The following PLXNA4 variants were observed in gnomAD, a reference collection of about 807,000 sequenced individuals.
PLXNA4 encodes the protein plexin-A4.
PLXNA4 carries 44 observed loss-of-function variants against 191.8 expected under a neutral mutation model. That is an observed-to-expected ratio of 0.23 (90% confidence interval 0.18 to 0.29). The LOEUF (loss-of-function observed/expected upper bound fraction) is 0.29. Ranked by LOEUF, PLXNA4 falls within the 10% of genes least tolerant of loss-of-function variation. The probability of loss-of-function intolerance (pLI) is 1.00; values close to 1 mark genes in which losing one functional copy is unlikely to be tolerated. For missense variants in PLXNA4, 1,800 were observed against 2,488.8 expected, an observed-to-expected ratio of 0.72 and a Z score of 5.89; for synonymous variants, 1,082 against 1,009.5, an observed-to-expected ratio of 1.07 and a Z score of -1.36.
chr7:132,566,119 G>C (rs1469234614), intron 1 of PLXNA4, among the ~76,000 whole-genome samples: 2 of 152,158 alleles, frequency 1.3e-5, no homozygotes, highest in Non-Finnish European at 2.9e-5. Context: ...AATTTTGTTA[G>C]TGTGTGTTAG....
chr7:132,585,225 A>C (rs1802485577), intron 2 of PLXNA4, among the ~76,000 whole-genome samples: 1 of 152,222 alleles, frequency 6.6e-6, no homozygotes, highest in Admixed American at 6.5e-5. Context: ...CTTTAGATCA[A>C]GTCAAAGGAA....
At chr7:132,332,577 G>C (rs1490936568) in intron 3 of PLXNA4, among the ~76,000 whole-genome samples, 3 of 152,070 alleles carry the variant, frequency 2.0e-5, no homozygotes, top group Admixed American at 6.6e-5. Context: ...GGCTGGGCGT[G>C]GTGGCTCATG....
At chr7:132,180,323 G>A (rs1219284779) in intron 19 of PLXNA4, among the ~76,000 whole-genome samples, 1 of 152,188 alleles carries the variant, frequency 6.6e-6, no homozygotes, top group East Asian at 1.9e-4. Flanking sequence ...CTCCTTGAAG[G>A]CTTTGTTTGT....
chr7:132,297,020 C>T (rs1188772718), intron 4 of PLXNA4, among the ~76,000 whole-genome samples: 1 of 152,072 alleles, frequency 6.6e-6, no homozygotes, highest in Non-Finnish European at 1.5e-5. Context: ...GGCAGAGCTC[C>T]TGTGACTGTT....
intron 22 of PLXNA4, among the ~76,000 whole-genome samples, chr7:132,167,980 G>T (rs1315812208): frequency 1.3e-5 from 2 of 152,200 alleles, no homozygotes; most frequent in East Asian, 3.9e-4. Context: ...TGGTCTAAGT[G>T]ACCTCTGAAG....
intron 3 of PLXNA4, among the ~76,000 whole-genome samples, chr7:132,330,229 G>C (rs908977005): frequency 6.6e-6 from 1 of 152,204 alleles, no homozygotes; most frequent in South Asian, 2.1e-4. Flanking sequence ...AATTTGGCTG[G>C]AGCTGAGTAG....
intron 12 of PLXNA4, among the ~76,000 whole-genome samples, chr7:132,198,871 C>T (rs1353535862): frequency 6.6e-6 from 1 of 152,164 alleles, no homozygotes; most frequent in Non-Finnish European, 1.5e-5. Flanking sequence ...GTACATCTTT[C>T]CATTTCATAG....
intron 3 of PLXNA4, among the ~76,000 whole-genome samples, chr7:132,324,167 GT>G (rs2116653505): frequency 6.6e-6 from 1 of 152,322 alleles, no homozygotes; most frequent in South Asian, 2.1e-4. Flanking sequence ...TTCCAAGAAA[GT>G]GAAGGGAATG....
intron 3 of PLXNA4, among the ~76,000 whole-genome samples, chr7:132,355,696 A>C (rs1803670051): frequency 6.6e-6 from 1 of 152,146 alleles, no homozygotes; most frequent in Non-Finnish European, 1.5e-5. Flanking sequence ...TAGGCATATA[A>C]ATCCCTCTGC....
chr7:132,191,549 G>A (rs1447287742), intron 14 of PLXNA4, among the ~76,000 whole-genome samples: 3 of 152,166 alleles, frequency 2.0e-5, no homozygotes, highest in South Asian at 2.1e-4. Flanking sequence ...AGCTTAGTAA[G>A]TTGGAGGTGG....
chr7:132,245,825 G>A (rs1254758038), intron 4 of PLXNA4, among the ~76,000 whole-genome samples: 1 of 152,198 alleles, frequency 6.6e-6, no homozygotes, highest in Non-Finnish European at 1.5e-5. Flanking sequence ...AGTGAAATAA[G>A]CCAGACATAA....
At chr7:132,240,638 A>G (rs147367738) in intron 5 of PLXNA4, among the ~76,000 whole-genome samples, 1 of 152,346 alleles carries the variant, frequency 6.6e-6, no homozygotes, top group Non-Finnish European at 1.5e-5. Flanking sequence ...GGGACAGCAT[A>G]TATCTTGTTT....
chr7:132,455,718 A>G (rs769663687), intron 3 of PLXNA4, among the ~76,000 whole-genome samples: 1 of 152,014 alleles, frequency 6.6e-6, no homozygotes, highest in Non-Finnish European at 1.5e-5. Context: ...CAAGCAGAGA[A>G]GCCTGCCAGG....
intron 3 of PLXNA4, among the ~76,000 whole-genome samples, chr7:132,329,902 A>AT (rs1320541956): frequency 1.6e-4 from 24 of 152,310 alleles, no homozygotes; most frequent in Middle Eastern, 3.4e-3. Context: ...AGGATTCTAC[A>AT]TTAGGCAACA....
At position 132,634,539 on chromosome 7, in the gene PLXNA4, G is replaced by T. The variant is rs545953607; in HGVS notation, c.-87+11389C>A. ...TCCACAACATCCTATCCCACTCTTT[G>T]CCTTAAATTCAATACTCCAGAAACA... On this transcript the variant is annotated intron_variant, in intron 2 of 4. Coordinates refer to the PLXNA4 transcript ENST00000378539. Among the ~76,000 whole-genome samples the T allele has an allele frequency of 1.4e-3, 212 of 152,054 alleles. 1 individual carries two copies. The highest frequency in any genetic ancestry group is 5.0e-3 in the African/African-American group (207 of 41,478).
At chr7:132,557,982 G>A (rs1452397879) in intron 1 of PLXNA4, among the ~76,000 whole-genome samples, 1 of 152,144 alleles carries the variant, frequency 6.6e-6, no homozygotes, top group Non-Finnish European at 1.5e-5. Flanking sequence ...GGTCCAGAGG[G>A]AACTGCAAAT....
chr7:132,285,813 T>A (rs17166307), intron 4 of PLXNA4, among the ~76,000 whole-genome samples: 1 of 152,118 alleles, frequency 6.6e-6, no homozygotes, highest in East Asian at 1.9e-4. Context: ...GGAATTTAAC[T>A]ATTTCCATTA....
At position 132,127,297 on chromosome 7, in the gene PLXNA4, A is replaced by G. The variant is rs1180204694; in HGVS notation, c.*3182T>C. ...CTTCTGTCTGCTCATGACTCAACATAATGGTGACCCTACAAATTAACTTTG... is the reference window on the plus strand; with the variant it reads ...CTTCTGTCTGCTCATGACTCAACATGATGGTGACCCTACAAATTAACTTTG... On this transcript the variant is annotated 3_prime_UTR_variant, in exon 32 of 32. Transcript: ENST00000321063. The G allele has an allele frequency of 6.6e-6, 1 of 152,080 alleles. No homozygotes were observed. The highest frequency in any genetic ancestry group is 2.4e-5 in the African/African-American group (1 of 41,396). 9.4% of individuals were successfully genotyped at this position (152,080 alleles called of 1,614,324 possible). A position where few individuals can be genotyped will look rare whatever the true frequency, so the allele number is the denominator to read the frequency against.
At chr7:132,283,076 G>T (rs1163281086) in intron 4 of PLXNA4, among the ~76,000 whole-genome samples, 1 of 151,988 alleles carries the variant, frequency 6.6e-6, no homozygotes, top group Non-Finnish European at 1.5e-5. Context: ...TCACCACGTT[G>T]CCCAGGCTGG....
Sources: gnomAD v4.1 joint callset for allele counts (sites outside exome capture counted in the v4.1 genomes callset) on GRCh38, gnomAD v4.1.1 for gene constraint, MANE v1.5 for transcripts, NCBI Gene and HGNC (gene_info 2026-07-23, HGNC 2026-07-21) for gene names.